ICOS: variants seen among roughly 807,000 people sequenced by gnomAD.
The protein encoded by ICOS is inducible T-cell costimulator.
In ICOS, 15 loss-of-function variants were observed where a neutral mutation model predicts 24.6. The ratio of observed to expected loss-of-function variants is 0.61; its 90% CI spans 0.41 to 0.94. The LOEUF is 0.94. Ranked by LOEUF, ICOS falls within the 40% of genes least tolerant of loss-of-function variation. ICOS has a pLI of 0.00. For synonymous variants in ICOS, 89 were observed against 77.5 expected, an observed-to-expected ratio of 1.15 and a Z score of -0.78; for missense variants, 200 against 233.0, an observed-to-expected ratio of 0.86 and a Z score of 0.92.
chr2:203,937,298 A>C (rs1288756343), intron 1 of ICOS, among the ~76,000 whole-genome samples: 1 of 152,174 alleles, frequency 6.6e-6, no homozygotes, highest in Non-Finnish European at 1.5e-5. Context: ...GAAAAGAAGG[A>C]TTTTGATTTT....
At chr2:203,959,511 G>T (rs2105756802) in intron 4 of ICOS, 75 bp from the exon 5 acceptor site, 3 of 1,259,076 alleles carry the variant, frequency 2.4e-6, no homozygotes, top group Non-Finnish European at 3.5e-6. Context: ...AAAGGCAATG[G>T]AGAGGGGAAA....
intron 1 of ICOS, among the ~76,000 whole-genome samples, chr2:203,945,660 G>A (rs1030141570): frequency 1.3e-5 from 2 of 152,062 alleles, no homozygotes; most frequent in African/African-American, 4.8e-5. Flanking sequence ...GTAGCACAAT[G>A]GTAAATATTT....
Position 203,936,782 on chromosome 2 carries a change from G to T in ICOS, c.-33G>T. On this transcript the variant is annotated 5_prime_UTR_variant, in exon 1 of 5. Transcript: ENST00000316386. ...GAATTCACTGTCAGCTTTGAACACTGAACGCGAGGACTGTTAACTGTTTCT... is the reference window on the plus strand; with the variant it reads ...GAATTCACTGTCAGCTTTGAACACTTAACGCGAGGACTGTTAACTGTTTCT... 6.3e-7 allele frequency: 1 copy of T among 1,582,108 alleles called. No homozygotes were observed.
At chr2:203,957,758 A>G (rs1281623572) in intron 3 of ICOS, 41 bp from the exon 4 acceptor site, 1 of 1,401,782 alleles carries the variant, frequency 7.1e-7, no homozygotes, top group Non-Finnish European at 1.0e-6. Flanking sequence ...AGAGATGGAG[A>G]AGAAAAGATG....
intron 1 of ICOS, among the ~76,000 whole-genome samples, chr2:203,941,765 T>A (rs1370978228): frequency 6.6e-6 from 1 of 152,180 alleles, no homozygotes; most frequent in African/African-American, 2.4e-5. Context: ...TGAAACCTTA[T>A]AAAAATTCAC....
intron 1 of ICOS, among the ~76,000 whole-genome samples, chr2:203,944,007 C>T (rs1301542511): frequency 3.3e-5 from 5 of 152,296 alleles, no homozygotes; most frequent in Admixed American, 6.5e-5. Context: ...CTCTAACCGC[C>T]CCAAGTCTGT....
At chr2:203,949,835 T>A (rs1263088507) in intron 1 of ICOS, among the ~76,000 whole-genome samples, 1 of 152,110 alleles carries the variant, frequency 6.6e-6, no homozygotes, top group East Asian at 1.9e-4. Context: ...ACACTATCTA[T>A]AAAAGTGGTG....
chr2:203,956,324 T>C (rs1199666143), intron 2 of ICOS, among the ~76,000 whole-genome samples: 2 of 152,164 alleles, frequency 1.3e-5, no homozygotes, highest in Non-Finnish European at 2.9e-5. Context: ...TAAGGTTTGG[T>C]TTTGCACTGT....
At chr2:203,947,685 A>C (rs1581602627) in intron 1 of ICOS, among the ~76,000 whole-genome samples, 2 of 152,184 alleles carry the variant, frequency 1.3e-5, no homozygotes, top group African/African-American at 4.8e-5. Context: ...ACAGTATTCT[A>C]TGTGATGAAG....
At chr2:203,949,454 A>G (rs1230648619) in intron 1 of ICOS, among the ~76,000 whole-genome samples, 1 of 152,208 alleles carries the variant, frequency 6.6e-6, no homozygotes, top group African/African-American at 2.4e-5. Flanking sequence ...AGTTGTCTGT[A>G]TGTACACAAA....
Position 203,956,781 on chromosome 2 carries a change from C to G in ICOS, c.501+16C>G, listed in dbSNP as rs775673964. On this transcript the variant is annotated intron_variant, in intron 3 of 4. Coordinates refer to ENST00000316386, the MANE Select transcript of ICOS (RefSeq NM_012092.4). ...TACAAAAAAGGTAAGCGATTTCTAT[C>G]TTTCCTTGTATCTGCTTTACAGATG... is the stretch of plus-strand genomic sequence containing the variant. The G allele has an allele frequency of 5.2e-5, 78 of 1,498,854 alleles. No homozygotes were observed. The highest frequency in any genetic ancestry group is 5.9e-5 in the Non-Finnish European group (63 of 1,075,476). The allele number at this position is 1,498,854 out of a possible 1,614,324, so 92.8% of individuals were successfully genotyped here.
intron 1 of ICOS, 107 bp downstream of exon 1, chr2:203,936,979 T>C: frequency 1.2e-6 from 1 of 802,442 alleles, no homozygotes; most frequent in African/African-American, 1.7e-5. Context: ...TTTTGGTTTT[T>C]GAAAGTAGGA....
intron 1 of ICOS, among the ~76,000 whole-genome samples, chr2:203,945,060 C>T (rs1356706310): frequency 1.3e-5 from 2 of 151,876 alleles, no homozygotes; most frequent in Non-Finnish European, 2.9e-5. Flanking sequence ...TTGTGTCAAG[C>T]CAGATATATA....
chr2:203,945,447 C>T (rs1361574567), intron 1 of ICOS, among the ~76,000 whole-genome samples: 1 of 152,172 alleles, frequency 6.6e-6, no homozygotes, highest in Non-Finnish European at 1.5e-5. Context: ...TGAATACAGT[C>T]ACGTGCCACT....
At chr2:203,947,574 T>C (rs1298935816) in intron 1 of ICOS, among the ~76,000 whole-genome samples, 1 of 152,210 alleles carries the variant, frequency 6.6e-6, no homozygotes. Context: ...CCCAAAGTGC[T>C]GGGATTACAG....
intron 1 of ICOS, among the ~76,000 whole-genome samples, chr2:203,946,516 T>C (rs1476780616): frequency 6.6e-6 from 1 of 152,094 alleles, no homozygotes; most frequent in African/African-American, 2.4e-5. Flanking sequence ...AATTACTTCT[T>C]TAGATTATGG....
At chr2:203,941,935 T>C (rs1484824972) in intron 1 of ICOS, among the ~76,000 whole-genome samples, 1 of 152,168 alleles carries the variant, frequency 6.6e-6, no homozygotes, top group Non-Finnish European at 1.5e-5. Flanking sequence ...ACTGGGGATA[T>C]GAACTTCCTT....
At chr2:203,949,861 G>C (rs1689939149) in intron 1 of ICOS, among the ~76,000 whole-genome samples, 1 of 152,104 alleles carries the variant, frequency 6.6e-6, no homozygotes. Flanking sequence ...TATCATACCA[G>C]CATTCCAGGC....
At chr2:203,959,354 G>A (rs1475057741) in intron 4 of ICOS, among the ~76,000 whole-genome samples, 1 of 152,184 alleles carries the variant, frequency 6.6e-6, no homozygotes, top group Middle Eastern at 3.2e-3. Context: ...GATGAGTTTA[G>A]ATAATGTCTG....
Sources: gnomAD v4.1 joint callset for allele counts (sites outside exome capture counted in the v4.1 genomes callset) on GRCh38, gnomAD v4.1.1 for gene constraint, MANE v1.5 for transcripts, NCBI Gene and HGNC (gene_info 2026-07-23, HGNC 2026-07-21) for gene names.